TTC3: variants seen among roughly 807,000 people sequenced by gnomAD.
The protein encoded by TTC3 is E3 ubiquitin-protein ligase TTC3.
In TTC3, 180 loss-of-function variants were observed where a neutral mutation model predicts 249.6. The observed-to-expected ratio is 0.72, with a 90% confidence interval of 0.64 to 0.82. The LOEUF is 0.82. TTC3 is among the 40% of genes least tolerant of loss of function. The pLI, the probability that TTC3 is intolerant of heterozygous loss-of-function variation, is 0.00. For synonymous variants in TTC3, 717 were observed against 805.0 expected, an observed-to-expected ratio of 0.89 and a Z score of 1.85; for missense variants, 2,061 against 2,398.4, an observed-to-expected ratio of 0.86 and a Z score of 2.94.
chr21:37,117,861 G>GA (rs1367075957), intron 11 of TTC3, among the ~76,000 whole-genome samples: 2 of 144,916 alleles, frequency 1.4e-5, no homozygotes, highest in East Asian at 2.0e-4. Context: ...AAAGAAAAAA[G>GA]AAAAAAACTT....
At chr21:37,182,667 T>G (rs2082865853) in intron 35 of TTC3, 107 bp from the exon 36 acceptor site, 1 of 1,179,728 alleles carries the variant, frequency 8.5e-7, no homozygotes, top group African/African-American at 1.6e-5. Context: ...TCCACTGAAC[T>G]TAGGTCATTG....
chr21:37,114,750 G>C (rs8130230), intron 11 of TTC3, among the ~76,000 whole-genome samples: 72,442 of 151,142 alleles, frequency 0.48, 17,977 homozygotes, highest in Non-Finnish European at 0.56. Flanking sequence ...TATTGTGGCA[G>C]TATTCACAAT....
chr21:37,077,958 G>A lies in TTC3; in HGVS notation c.-12+4594G>A, dbSNP rs142896127. Among the ~76,000 whole-genome samples the A allele has an allele frequency of 1.7e-4, 26 of 152,118 alleles. No individual in the cohort carries two copies. The East Asian group carries it at 5.0e-3, about 29-fold the overall frequency. On this transcript the variant is annotated intron_variant, in intron 1 of 45. Transcript: ENST00000355666. The stretch of plus-strand genomic sequence containing the variant: ...AGACATTCCTCTGTTTCTTTTTAGA[G>A]GTTTTAAAATGATGTCTTCCACATT...
chr21:37,198,413 A>G (rs1359075221), intron 44 of TTC3, among the ~76,000 whole-genome samples: 1 of 152,208 alleles, frequency 6.6e-6, no homozygotes, highest in African/African-American at 2.4e-5. Flanking sequence ...CTGTGTAACC[A>G]TGGCTTTGGA....
At chr21:37,132,914 T>A in intron 17 of TTC3, 148 bp downstream of exon 17, 1 of 551,078 alleles carries the variant, frequency 1.8e-6, no homozygotes. Context: ...GGGGTCTCAC[T>A]GTGTTGTCCA....
At chr21:37,176,889 A>C (rs904068435) in intron 35 of TTC3, among the ~76,000 whole-genome samples, 3 of 152,180 alleles carry the variant, frequency 2.0e-5, no homozygotes, top group African/African-American at 7.2e-5. Context: ...GCCTAGTTCA[A>C]CTAACTGTTA....
At chr21:37,129,994 A>G (rs2077343946) in intron 16 of TTC3, among the ~76,000 whole-genome samples, 1 of 152,214 alleles carries the variant, frequency 6.6e-6, no homozygotes, top group Non-Finnish European at 1.5e-5. Context: ...ATTGATTACA[A>G]TGTGAAATTG....
intron 42 of TTC3, among the ~76,000 whole-genome samples, chr21:37,196,237 CTTT>C (rs35693053): frequency 1.7e-4 from 21 of 120,318 alleles, no homozygotes; most frequent in Admixed American, 1.7e-4. Context: ...TTTTTTCTTT[CTTT>C]TTTTTTTTTT....
chr21:37,108,344 TTTACTA>T, intron 10 of TTC3, 42 bp from the exon 11 acceptor site: 1 of 1,516,352 alleles, frequency 6.6e-7, no homozygotes. Context: ...ATATAATACT[TTTACTA>T]TAAAAGAGTG....
chr21:37,128,644 C>T (rs907977401), intron 15 of TTC3, among the ~76,000 whole-genome samples: 1 of 152,152 alleles, frequency 6.6e-6, no homozygotes, highest in African/African-American at 2.4e-5. Context: ...TCAATAACAA[C>T]ACAGTATTTT....
chr21:37,198,097 AG>A, intron 44 of TTC3, 72 bp downstream of exon 44: 4 of 1,483,084 alleles, frequency 2.7e-6, no homozygotes, highest in Non-Finnish European at 3.6e-6. Context: ...TCCATGATTT[AG>A]CCCCATTCAT....
chr21:37,126,179 A>G (rs1339478984), intron 15 of TTC3, 36 bp downstream of exon 15: 1 of 1,595,444 alleles, frequency 6.3e-7, no homozygotes, highest in South Asian at 1.1e-5. Flanking sequence ...TTGCCAAGTT[A>G]ATATAATGTC....
chr21:37,097,571 T>C (rs993735919), intron 10 of TTC3, among the ~76,000 whole-genome samples: 3 of 152,254 alleles, frequency 2.0e-5, no homozygotes, highest in Non-Finnish European at 4.4e-5. Context: ...GACAAGTTAC[T>C]TAATTCTCAT....
intron 39 of TTC3, among the ~76,000 whole-genome samples, chr21:37,189,084 A>AT (rs35597611): frequency 0.54 from 82,660 of 152,042 alleles, 23,056 homozygotes; most frequent in African/African-American, 0.65. Context: ...ATGCAGTAAA[A>AT]TTTGGAATGA....
At chr21:37,154,986 C>T (rs980075615) in intron 27 of TTC3, among the ~76,000 whole-genome samples, 7 of 152,130 alleles carry the variant, frequency 4.6e-5, no homozygotes, top group Non-Finnish European at 7.3e-5. Flanking sequence ...TCAGCCACCG[C>T]GCCCGGTCGA....
chr21:37,125,439 A>G (rs952785817), intron 14 of TTC3, among the ~76,000 whole-genome samples: 1 of 152,224 alleles, frequency 6.6e-6, no homozygotes, highest in African/African-American at 2.4e-5. Context: ...TTATATGTCA[A>G]TAACAACACA....
At position 37,096,474 on chromosome 21, in the gene TTC3, A is replaced by G. The variant is rs1162365994; in HGVS notation, c.783-107A>G. 9 of 751,448 alleles carry G rather than the reference A, an allele frequency of 1.2e-5. No homozygotes were observed. The East Asian group carries it at 1.9e-4, about 15-fold the overall frequency. The allele number at this position is 751,448 out of a possible 1,614,324, so 46.5% of individuals were successfully genotyped here. ...CTATATTCTTTTTGCTTTGCCACAC[A>G]TATGTAAAGTTTAAAAAAAGTTTTC... On this transcript the variant is annotated intron_variant, in intron 9 of 45. Coordinates refer to ENST00000355666, the Ensembl canonical transcript of TTC3.
chr21:37,121,958 A>G, exon 12 of TTC3: 1 of 1,610,916 alleles, frequency 6.2e-7, no homozygotes, highest in East Asian at 2.2e-5. Flanking sequence ...AAAGTTACAA[A>G]AACAAATAGA....
intron 25 of TTC3, 70 bp downstream of exon 25, chr21:37,150,954 T>G: frequency 8.5e-7 from 1 of 1,175,886 alleles, no homozygotes. Flanking sequence ...AAATGCAGAT[T>G]TCTAAATTAT....
Sources: gnomAD v4.1 joint callset for allele counts (sites outside exome capture counted in the v4.1 genomes callset) on GRCh38, gnomAD v4.1.1 for gene constraint, MANE v1.5 for transcripts, NCBI Gene and HGNC (gene_info 2026-07-23, HGNC 2026-07-21) for gene names.